The following MKLN1 variants were observed in gnomAD, a reference collection of about 807,000 sequenced individuals.
MKLN1 encodes muskelin.
MKLN1 carries 18 observed loss-of-function variants against 99.0 expected under a neutral mutation model. The observed-to-expected ratio is 0.18, with a 90% CI of 0.13 to 0.27. The LOEUF is 0.27. MKLN1 is among the 10% of genes least tolerant of loss of function. MKLN1 has a pLI of 1.00. For synonymous variants in MKLN1, 288 were observed against 293.2 expected (o/e 0.98, Z 0.18); for missense variants, 621 against 875.9 (o/e 0.71, Z 3.67).
chr7:131,460,177 T>C (rs566247711), intron 12 of MKLN1, among the ~76,000 whole-genome samples: 47 of 152,322 alleles, frequency 3.1e-4, no homozygotes, highest in African/African-American at 9.6e-4. Flanking sequence ...GGGTTTTTTT[T>C]CCCCCAAGTT....
intron 1 of MKLN1, among the ~76,000 whole-genome samples, chr7:131,346,088 T>C (rs1799551090): frequency 6.6e-6 from 1 of 152,218 alleles, no homozygotes; most frequent in South Asian, 2.1e-4. Flanking sequence ...TGTAAAATTC[T>C]TTGGGGGAAG....
At chr7:131,178,647 G>A (rs1458433552) in intron 2 of MKLN1, among the ~76,000 whole-genome samples, 1 of 151,968 alleles carries the variant, frequency 6.6e-6, no homozygotes, top group Admixed American at 6.6e-5. Flanking sequence ...TGCTCATATT[G>A]GCACTCCTGC....
intron 8 of MKLN1, among the ~76,000 whole-genome samples, chr7:131,418,332 G>A (rs1169918572): frequency 7.1e-6 from 1 of 140,516 alleles, no homozygotes; most frequent in East Asian, 2.1e-4. Flanking sequence ...TTGCGCCATC[G>A]CACTCCAGCC....
At chr7:131,289,356 T>C (rs1488081504) in intron 3 of MKLN1, among the ~76,000 whole-genome samples, 1 of 152,192 alleles carries the variant, frequency 6.6e-6, no homozygotes, top group African/African-American at 2.4e-5. Context: ...CCAGGTGTGG[T>C]GGCTCACGCC....
At chr7:131,450,893 A>G (rs911856340) in intron 12 of MKLN1, among the ~76,000 whole-genome samples, 3 of 152,230 alleles carry the variant, frequency 2.0e-5, no homozygotes, top group African/African-American at 2.4e-5. Flanking sequence ...TTCAAAACCT[A>G]TACAAAGATC....
intron 16 of MKLN1, among the ~76,000 whole-genome samples, chr7:131,474,897 A>C (rs1464635847): frequency 1.3e-5 from 2 of 152,210 alleles, no homozygotes; most frequent in Admixed American, 1.3e-4. Flanking sequence ...ACTTACAGTC[A>C]TGGCAGAAGG....
chr7:131,379,010 G>A (rs1793756572), intron 2 of MKLN1, among the ~76,000 whole-genome samples: 1 of 151,998 alleles, frequency 6.6e-6, no homozygotes, highest in Non-Finnish European at 1.5e-5. Flanking sequence ...TAGAGGAAGG[G>A]AAAATGAGGA....
At chr7:131,478,712 C>T in intron 17 of MKLN1, 35 bp downstream of exon 17, 1 of 1,604,818 alleles carries the variant, frequency 6.2e-7, no homozygotes, top group Non-Finnish European at 8.5e-7. Context: ...CAGCTAGATG[C>T]CCTAGCATTT....
chr7:131,477,920 A>G (rs1285439184), intron 16 of MKLN1, among the ~76,000 whole-genome samples: 2 of 152,202 alleles, frequency 1.3e-5, no homozygotes, highest in African/African-American at 4.8e-5. Context: ...ATAGTTCTCC[A>G]GATTTTTTAT....
chr7:131,133,828 T>G (rs868073388), intron 1 of MKLN1, among the ~76,000 whole-genome samples: 822 of 51,722 alleles, frequency 0.016, 29 homozygotes, highest in East Asian at 0.045. Flanking sequence ...TGGTTTTTTT[T>G]TTTTTTTTTT....
chr7:131,351,166 T>C (rs958345584), intron 1 of MKLN1, among the ~76,000 whole-genome samples: 9 of 152,014 alleles, frequency 5.9e-5, no homozygotes, highest in African/African-American at 1.9e-4. Context: ...GAGGATTGCT[T>C]GAGTCCAGGA....
At chr7:131,351,607 G>A (rs550053817) in intron 1 of MKLN1, among the ~76,000 whole-genome samples, 2 of 152,118 alleles carry the variant, frequency 1.3e-5, no homozygotes, top group South Asian at 2.1e-4. Context: ...AACTACAGGT[G>A]TGTGCCACCA....
chr7:131,280,998 C>T (rs1798042283), intron 3 of MKLN1, among the ~76,000 whole-genome samples: 1 of 152,096 alleles, frequency 6.6e-6, no homozygotes, highest in African/African-American at 2.4e-5. Context: ...TGTGGACTGT[C>T]TTTTCACTTT....
intron 1 of MKLN1, among the ~76,000 whole-genome samples, chr7:131,115,995 A>T (rs557553836): frequency 1.4e-4 from 21 of 152,186 alleles, no homozygotes; most frequent in Non-Finnish European, 2.6e-4. Flanking sequence ...TTACTGGCAT[A>T]TATCAGGCAC....
In MKLN1 at chr7:131,491,504, A is replaced by G. The variant is rs1322635968; in HGVS notation, c.*3776A>G. The G allele has an allele frequency of 6.6e-6, 1 of 152,188 alleles. No individual in the cohort carries two copies. Among genetic ancestry groups the G allele is most frequent in the Non-Finnish European group, 1.5e-5 (1 of 68,020 alleles). The allele number at this position is 152,188 out of a possible 1,614,324, so 9.4% of individuals were successfully genotyped here. ...AATAACGCTATTCTTTTGTGGTTCT[A>G]GACCCTGGCTTCTATCTCCCTGTGA... On this transcript the variant is annotated 3_prime_UTR_variant, in exon 18 of 18. Transcript: ENST00000352689.
intron 9 of MKLN1, among the ~76,000 whole-genome samples, chr7:131,429,655 T>G (rs1353503215): frequency 6.6e-6 from 1 of 152,156 alleles, no homozygotes; most frequent in Non-Finnish European, 1.5e-5. Context: ...CTCGACTCAC[T>G]GCAAGCTCCG....
chr7:131,202,282 A>C (rs1796741480), intron 2 of MKLN1, among the ~76,000 whole-genome samples: 1 of 147,704 alleles, frequency 6.8e-6, no homozygotes. Flanking sequence ...TGCCCGGCTA[A>C]TTTTTTGTAT....
intron 3 of MKLN1, among the ~76,000 whole-genome samples, chr7:131,276,546 T>G: frequency 6.6e-6 from 1 of 152,124 alleles, no homozygotes; most frequent in East Asian, 1.9e-4. Context: ...TGTGTTGATT[T>G]GGGGCACAGT....
At chr7:131,188,799 C>T (rs139744747) in intron 2 of MKLN1, among the ~76,000 whole-genome samples, 2 of 152,188 alleles carry the variant, frequency 1.3e-5, no homozygotes, top group South Asian at 2.1e-4. Context: ...TCTAAAACAG[C>T]GTGTATTCCA....
Sources: allele counts gnomAD v4.1 joint callset (sites outside exome capture counted in the v4.1 genomes callset), GRCh38; gene constraint gnomAD v4.1.1; transcripts MANE v1.5; gene names NCBI Gene and HGNC (gene_info 2026-07-23, HGNC 2026-07-21).